The following ROBO1 variants were observed in gnomAD, a reference collection of about 807,000 sequenced individuals.
ROBO1 encodes roundabout homolog 1.
ROBO1 carries 149 observed loss-of-function variants against 195.9 expected under a neutral mutation model. The ratio of observed to expected loss-of-function variants is 0.76; its 90% confidence interval spans 0.67 to 0.87. The LOEUF (loss-of-function observed/expected upper bound fraction) is 0.87. Among genes scored for constraint, ROBO1 ranks in the 40% least tolerant of loss-of-function variants. ROBO1 has a pLI of 0.00. For synonymous variants in ROBO1, 816 were observed against 733.2 expected, an observed-to-expected ratio of 1.11 and a Z score of -1.82; for missense variants, 1,933 against 2,068.3, an observed-to-expected ratio of 0.93 and a Z score of 1.27.
At chr3:79,331,526 A>T (rs530366755) in intron 2 of ROBO1, among the ~76,000 whole-genome samples, 5 of 152,332 alleles carry the variant, frequency 3.3e-5, no homozygotes, top group African/African-American at 1.2e-4. Flanking sequence ...TCCTTTCAGC[A>T]TTCTGAATGA....
At chr3:79,663,512 T>C (rs568580149) in intron 1 of ROBO1, among the ~76,000 whole-genome samples, 2 of 152,116 alleles carry the variant, frequency 1.3e-5, no homozygotes, top group Admixed American at 1.3e-4. Context: ...TTCTACTACA[T>C]GTTCACTTAC....
At chr3:78,810,468 T>A (rs2108624119) in intron 4 of ROBO1, among the ~76,000 whole-genome samples, 1 of 152,256 alleles carries the variant, frequency 6.6e-6, no homozygotes, top group South Asian at 2.1e-4. Flanking sequence ...TTTTCATTAT[T>A]GAAGGAAAAA....
At chr3:79,026,749 C>T (rs1401721850) in intron 3 of ROBO1, among the ~76,000 whole-genome samples, 1 of 151,954 alleles carries the variant, frequency 6.6e-6, no homozygotes, top group African/African-American at 2.4e-5. Context: ...ATTTAAAATT[C>T]TCCTAAATTG....
chr3:79,107,127 T>TCTCACACA (rs1370578718), intron 3 of ROBO1, among the ~76,000 whole-genome samples: 52 of 136,460 alleles, frequency 3.8e-4, no homozygotes, highest in African/African-American at 1.3e-3. Context: ...TCTCTCTCTC[T>TCTCACACA]CACACACACA....
intron 2 of ROBO1, among the ~76,000 whole-genome samples, chr3:79,174,131 C>T (rs1488842436): frequency 6.6e-6 from 1 of 152,024 alleles, no homozygotes; most frequent in Non-Finnish European, 1.5e-5. Context: ...CTGCTCAGGT[C>T]CCCTTCCACA....
chr3:79,438,826 T>A (rs1483103083), intron 2 of ROBO1, among the ~76,000 whole-genome samples: 1 of 152,064 alleles, frequency 6.6e-6, no homozygotes. Flanking sequence ...CACCAGAGTC[T>A]TGGTTCCTGT....
intron 2 of ROBO1, among the ~76,000 whole-genome samples, chr3:79,306,532 C>T (rs1281906064): frequency 6.6e-6 from 1 of 152,206 alleles, no homozygotes; most frequent in Non-Finnish European, 1.5e-5. Flanking sequence ...GTTTTCCATT[C>T]GCATGCCCCT....
intron 2 of ROBO1, among the ~76,000 whole-genome samples, chr3:79,231,690 G>GGGTATAT (rs1345502972): frequency 6.6e-6 from 1 of 152,138 alleles, no homozygotes; most frequent in African/African-American, 2.4e-5. Flanking sequence ...AATGCCATTT[G>GGGTATAT]ACCCAGCAAT....
At chr3:79,534,712 C>G (rs1328295902) in intron 2 of ROBO1, among the ~76,000 whole-genome samples, 2 of 152,068 alleles carry the variant, frequency 1.3e-5, no homozygotes, top group Admixed American at 6.6e-5. Flanking sequence ...GGCTGTTGTT[C>G]CCTCATCAAA....
chr3:79,705,094 A>AT (rs912634103), intron 1 of ROBO1, among the ~76,000 whole-genome samples: 4 of 151,598 alleles, frequency 2.6e-5, no homozygotes, highest in Middle Eastern at 6.8e-3. Context: ...TCCTTTTCAG[A>AT]TTTTTTTTGG....
chr3:79,716,524 C>T (rs1702492786), intron 1 of ROBO1, among the ~76,000 whole-genome samples: 1 of 151,570 alleles, frequency 6.6e-6, no homozygotes, highest in Non-Finnish European at 1.5e-5. Context: ...TTTAACGAAA[C>T]AATACTATGA....
rs183322930 is a variant in ROBO1 at position 79,171,638 on chromosome 3, G to A, written c.89-46099C>T. ...CCATTTAAATAAACAAGTCATTCAC[G>A]TGATTGAAAAACAAGTGAAGTTCTG... On this transcript the variant is annotated intron_variant, in intron 2 of 30. Transcript: ENST00000464233. Among the ~76,000 whole-genome samples the A allele has an allele frequency of 1.8e-4, 28 of 152,042 alleles. No homozygotes were observed. In the East Asian group the frequency reaches 4.6e-3, roughly 25 times the overall value.
rs539884789 is a variant in ROBO1, at chr3:78,748,918, T to C, written c.500-2018A>G. ...TGTTTAAATTCTAACTTCAATACTATTCAGTATTAATAAAATATATAGACA... is the reference window on the plus strand; with the variant it reads ...TGTTTAAATTCTAACTTCAATACTACTCAGTATTAATAAAATATATAGACA... On this transcript the variant is annotated intron_variant, in intron 4 of 30. Coordinates refer to ENST00000464233, the MANE Select transcript of ROBO1 (RefSeq NM_002941.4). 2.0e-5 allele frequency among the ~76,000 whole-genome samples: 3 copies of C among 152,292 alleles called. No homozygotes were observed. In the East Asian group the frequency reaches 5.8e-4, roughly 29 times the overall value.
At chr3:78,738,895 T>G (rs1040875459) in intron 5 of ROBO1, among the ~76,000 whole-genome samples, 2 of 152,324 alleles carry the variant, frequency 1.3e-5, no homozygotes, top group Middle Eastern at 3.4e-3. Context: ...ATAACAGCTT[T>G]GATGAAAATA....
At chr3:79,152,734 T>C (rs2080794884) in intron 2 of ROBO1, among the ~76,000 whole-genome samples, 1 of 151,608 alleles carries the variant, frequency 6.6e-6, no homozygotes, top group Non-Finnish European at 1.5e-5. Flanking sequence ...TAATTGCAGA[T>C]TGGGCCAGAA....
At chr3:79,721,146 C>T in intron 1 of ROBO1, among the ~76,000 whole-genome samples, 1 of 152,018 alleles carries the variant, frequency 6.6e-6, no homozygotes, top group East Asian at 1.9e-4. Flanking sequence ...CCTTCTGTTC[C>T]CCCTTATCCA....
intron 2 of ROBO1, among the ~76,000 whole-genome samples, chr3:79,441,936 A>G (rs1036250537): frequency 1.3e-5 from 2 of 152,152 alleles, no homozygotes; most frequent in African/African-American, 4.8e-5. Context: ...TGCTATAGAT[A>G]TAGCAGAATT....
rs750556565 is a variant in ROBO1 at position 78,617,975 on chromosome 3, A to C, written c.3942T>G (p.Ile1314Met). 6.2e-7 allele frequency: 1 copy of C among 1,613,932 alleles called. No homozygotes were observed. Among genetic ancestry groups the C allele is most frequent in the Non-Finnish European group, 8.5e-7 (1 of 1,179,868 alleles). ...PISPPHTYGY[I>M]SGPLVSDMDT... ...CCATATCTGAGACCAGGGGTCCTGA[A>C]ATGTAGCCATAGGTATGTGGAGGGG... is the stretch of plus-strand genomic sequence containing the variant. Residue 1314 changes from isoleucine to methionine, a missense_variant, in exon 27 of 31, where the codon ATT becomes ATG. Coordinates refer to ENST00000464233, the MANE Select transcript of ROBO1 (RefSeq NM_002941.4).
intron 3 of ROBO1, among the ~76,000 whole-genome samples, chr3:78,987,469 T>C (rs1223564317): frequency 6.6e-6 from 1 of 152,156 alleles, no homozygotes; most frequent in Non-Finnish European, 1.5e-5. Context: ...AATCCTGTGC[T>C]TTCTGAGGGA....
Sources: allele counts gnomAD v4.1 joint callset (sites outside exome capture counted in the v4.1 genomes callset), GRCh38; gene constraint gnomAD v4.1.1; transcripts MANE v1.5; gene names NCBI Gene and HGNC (gene_info 2026-07-23, HGNC 2026-07-21).